The following MTMR7 variants were observed in gnomAD, a reference collection of about 807,000 sequenced individuals.
The protein encoded by MTMR7 is phosphatidylinositol-3-phosphate phosphatase MTMR7.
A neutral mutation model predicts 81.2 loss-of-function variants in MTMR7; 76 were observed. The observed-to-expected ratio is 0.94, with a 90% CI of 0.78 to 1.13. MTMR7 has a LOEUF of 1.13. Among genes scored for constraint, MTMR7 ranks in the 50% most tolerant of loss-of-function variants. The probability of loss-of-function intolerance (pLI) is 0.00; values close to 1 mark genes in which losing one functional copy is unlikely to be tolerated. For missense variants in MTMR7, 1,044 were observed against 820.0 expected (o/e 1.27, Z -3.34); for synonymous variants, 372 against 289.8 (o/e 1.28, Z -2.88).
chr8:17,382,760 G>C (rs561348551), intron 1 of MTMR7, among the ~76,000 whole-genome samples: 5 of 152,088 alleles, frequency 3.3e-5, no homozygotes, highest in African/African-American at 1.2e-4. Flanking sequence ...TTCAGACAGA[G>C]TCCTTTTTTT....
chr8:17,344,460 A>G (rs562314505), intron 5 of MTMR7, among the ~76,000 whole-genome samples: 3 of 152,102 alleles, frequency 2.0e-5, no homozygotes, highest in South Asian at 2.1e-4. Context: ...AAAATACAAA[A>G]ATTAGCCAGG....
intron 7 of MTMR7, among the ~76,000 whole-genome samples, chr8:17,316,198 T>C (rs901538829): frequency 3.3e-5 from 5 of 152,124 alleles, no homozygotes; most frequent in Non-Finnish European, 5.9e-5. Flanking sequence ...ATGGTAATAA[T>C]AGCCTCTGTA....
intron 1 of MTMR7, among the ~76,000 whole-genome samples, chr8:17,407,387 G>T (rs1181905292): frequency 6.6e-6 from 1 of 152,076 alleles, no homozygotes; most frequent in Non-Finnish European, 1.5e-5. Context: ...TTCTATTAAT[G>T]AAAGTGTTAA....
At chr8:17,391,129 G>C (rs1180340894) in intron 1 of MTMR7, among the ~76,000 whole-genome samples, 1 of 152,148 alleles carries the variant, frequency 6.6e-6, no homozygotes, top group Non-Finnish European at 1.5e-5. Context: ...AAGGGTCTAC[G>C]AGGACGTGAG....
chr8:17,324,271 C>T (rs1421365596), intron 7 of MTMR7, among the ~76,000 whole-genome samples: 4 of 152,158 alleles, frequency 2.6e-5, no homozygotes, highest in Admixed American at 6.5e-5. Context: ...AATAGATGAG[C>T]GTCTGCGATA....
At chr8:17,381,282 G>C (rs907175995) in intron 1 of MTMR7, among the ~76,000 whole-genome samples, 6 of 151,968 alleles carry the variant, frequency 3.9e-5, no homozygotes, top group Non-Finnish European at 7.4e-5. Flanking sequence ...CCCCACCACC[G>C]CACTTCCAGG....
rs1816726216 is a variant in MTMR7 at position 17,297,189 on chromosome 8, G to C, written c.*2673C>G. 1 of 152,128 alleles carries C rather than the reference G, an allele frequency of 6.6e-6. No homozygotes were observed. The highest frequency in any genetic ancestry group is 1.5e-5 in the Non-Finnish European group (1 of 68,002). 9.4% of individuals were successfully genotyped at this position (152,128 alleles called of 1,614,324 possible). A position where few individuals can be genotyped will look rare whatever the true frequency, so the allele number is the denominator to read the frequency against. On this transcript the variant is annotated 3_prime_UTR_variant, in exon 14 of 14. Transcript: ENST00000180173. ...AATCAGAATTAAAGAGGAATACTTAGGAGTTACTAGGCTAATCAGTGTACG... is the reference window on the plus strand; with the variant it reads ...AATCAGAATTAAAGAGGAATACTTACGAGTTACTAGGCTAATCAGTGTACG...
intron 1 of MTMR7, among the ~76,000 whole-genome samples, chr8:17,386,249 A>G (rs1220317437): frequency 6.6e-6 from 1 of 152,160 alleles, no homozygotes; most frequent in Non-Finnish European, 1.5e-5. Context: ...ATGGTGGCAC[A>G]TGCCTATAGT....
intron 5 of MTMR7, among the ~76,000 whole-genome samples, chr8:17,343,904 T>C (rs577828843): frequency 6.6e-6 from 1 of 152,168 alleles, no homozygotes; most frequent in Non-Finnish European, 1.5e-5. Context: ...AGTATTACTA[T>C]TACTTGGCAG....
chr8:17,323,662 T>G (rs529778723), intron 7 of MTMR7, among the ~76,000 whole-genome samples: 1 of 152,156 alleles, frequency 6.6e-6, no homozygotes, highest in South Asian at 2.1e-4. Context: ...GGGGGGTCAT[T>G]CCACACACCT....
At chr8:17,326,043 T>A (rs1476809155) in intron 7 of MTMR7, among the ~76,000 whole-genome samples, 1 of 152,348 alleles carries the variant, frequency 6.6e-6, no homozygotes, top group South Asian at 2.1e-4. Flanking sequence ...TACATTGCTT[T>A]ACAAATACAG....
At chr8:17,313,759 G>C (rs1007718181) in intron 7 of MTMR7, among the ~76,000 whole-genome samples, 1 of 152,056 alleles carries the variant, frequency 6.6e-6, no homozygotes, top group African/African-American at 2.4e-5. Flanking sequence ...TATGAATTGG[G>C]AGTGCTATGA....
rs112033471 is a variant in MTMR7 at position 17,335,721 on chromosome 8, C to T, written c.733-4439G>A. 9.9e-3 allele frequency among the ~76,000 whole-genome samples: 1,512 copies of T among 152,338 alleles called. 20 individuals carry two copies. Among genetic ancestry groups the T allele is most frequent in the African/African-American group, 0.034 (1,416 of 41,578 alleles). ...ACATGTGAGTTGATTTTATTCCTTG[C>T]AACTATTCTCTACAACTGTGCTAGT... On this transcript the variant is annotated intron_variant, in intron 6 of 13. Coordinates refer to ENST00000180173, the MANE Select transcript of MTMR7 (RefSeq NM_004686.5).
chr8:17,342,823 T>G (rs1397074015), intron 5 of MTMR7, among the ~76,000 whole-genome samples: 1 of 152,058 alleles, frequency 6.6e-6, no homozygotes. Context: ...GCAGAGTCAC[T>G]CCAGGGTGGC....
chr8:17,357,570 A>G (rs1011255080), intron 4 of MTMR7, among the ~76,000 whole-genome samples: 12 of 152,156 alleles, frequency 7.9e-5, no homozygotes, highest in African/African-American at 2.7e-4. Context: ...CCTCATAGCT[A>G]TCACAAAATG....
At chr8:17,314,128 T>C (rs1393395690) in intron 7 of MTMR7, among the ~76,000 whole-genome samples, 1 of 152,190 alleles carries the variant, frequency 6.6e-6, no homozygotes, top group African/African-American at 2.4e-5. Context: ...GGAGCTTCTT[T>C]TATTTAACGT....
intron 5 of MTMR7, among the ~76,000 whole-genome samples, chr8:17,347,022 C>T (rs1586227420): frequency 1.3e-5 from 2 of 151,602 alleles, no homozygotes; most frequent in African/African-American, 4.8e-5. Context: ...TGGCTTTCCT[C>T]GTCTCTACAA....
At chr8:17,371,337 G>A (rs1288824104) in intron 2 of MTMR7, 138 bp from the exon 3 acceptor site, 1 of 886,438 alleles carries the variant, frequency 1.1e-6, no homozygotes, top group Non-Finnish European at 1.7e-6. Flanking sequence ...GCGTTCAGAT[G>A]ACAAGCACTG....
chr8:17,353,734 T>C (rs10086660), intron 4 of MTMR7, among the ~76,000 whole-genome samples: 28,054 of 152,216 alleles, frequency 0.18, 2,884 homozygotes, highest in East Asian at 0.32. Flanking sequence ...GAAAGTGGAT[T>C]AGTCAGTTAA....
Sources: gnomAD v4.1 joint callset for allele counts (sites outside exome capture counted in the v4.1 genomes callset) on GRCh38, gnomAD v4.1.1 for gene constraint, MANE v1.5 for transcripts, NCBI Gene and HGNC (gene_info 2026-07-23, HGNC 2026-07-21) for gene names.